Variants in VPS13A observed in about 807,000 individuals in gnomAD.
VPS13A encodes the protein vacuolar protein sorting 13 homolog A, also known as intermembrane lipid transfer protein VPS13A.
A neutral mutation model predicts 390.9 loss-of-function variants in VPS13A; 264 were observed. The ratio of observed to expected loss-of-function variants is 0.68; its 90% confidence interval spans 0.61 to 0.75. The LOEUF (loss-of-function observed/expected upper bound fraction) is 0.75. VPS13A is among the 30% of genes least tolerant of loss of function. VPS13A has a pLI of 0.00. For missense variants in VPS13A, 3,409 were observed against 3,733.9 expected (o/e 0.91, Z 2.27); for synonymous variants, 1,231 against 1,227.1 (o/e 1.00, Z -0.07).
At chr9:77,186,409 C>G (rs1412483320) in intron 1 of VPS13A, among the ~76,000 whole-genome samples, 1 of 152,014 alleles carries the variant, frequency 6.6e-6, no homozygotes, top group African/African-American at 2.4e-5. Context: ...AAATCATTTT[C>G]CTTCTTTCTG....
rs186347359 is a variant in VPS13A, at chr9:77,346,788, C to T, written c.7289+1646C>T. On this transcript the variant is annotated intron_variant, in intron 52 of 71. Coordinates refer to ENST00000360280, the MANE Select transcript of VPS13A (RefSeq NM_033305.3). Reference sequence around the variant, plus strand: ...ATTTGAATAGGAGATAGTCAAAGTACCAGAAAGAAGACTGGACAAAAGAAT... The same window carrying T: ...ATTTGAATAGGAGATAGTCAAAGTATCAGAAAGAAGACTGGACAAAAGAAT... Among the ~76,000 whole-genome samples the T allele has an allele frequency of 6.4e-4, 98 of 152,230 alleles. 1 individual carries two copies. The highest frequency in any genetic ancestry group is 5.8e-3 in the Admixed American group (89 of 15,284).
chr9:77,304,356 T>C (rs1396259903), intron 34 of VPS13A, among the ~76,000 whole-genome samples: 7 of 151,774 alleles, frequency 4.6e-5, no homozygotes, highest in Admixed American at 2.0e-4. Context: ...GCAAAGTAAT[T>C]GTTTAAAGTA....
At chr9:77,339,444 T>C (rs1230674313) in intron 47 of VPS13A, 72 bp from the exon 48 acceptor site, 3 of 1,413,684 alleles carry the variant, frequency 2.1e-6, no homozygotes, top group Non-Finnish European at 2.9e-6. Context: ...TTGGAATACA[T>C]AAATAGAATT....
rs1554859893 is a variant in VPS13A at position 77,207,213 on chromosome 9, T to TTTTATATA, written c.385+1135_385+1136insTTATATAT. On this transcript the variant is annotated intron_variant, in intron 5 of 71. Coordinates refer to ENST00000360280, the MANE Select transcript of VPS13A (RefSeq NM_033305.3). Reference sequence around the variant, plus strand: ...CTCTGTGTCTTGATTTATTTAGATATTATATATATATATATATATATATAT... The same window carrying TTTTATATA: ...CTCTGTGTCTTGATTTATTTAGATATTTTATATATATATATATATATATATATATATAT... 1.6e-3 allele frequency among the ~76,000 whole-genome samples: 68 copies of TTTTATATA among 43,126 alleles called. 2 individuals carry two copies. Among genetic ancestry groups the TTTTATATA allele is most frequent in the African/African-American group, 3.8e-3 (64 of 16,898 alleles). 28.3% of individuals were successfully genotyped at this position (43,126 alleles called of 152,430 possible). A position where few individuals can be genotyped will look rare whatever the true frequency, so the allele number is the denominator to read the frequency against.
intron 20 of VPS13A, among the ~76,000 whole-genome samples, chr9:77,249,701 T>C (rs1825043368): frequency 6.6e-6 from 1 of 152,214 alleles, no homozygotes; most frequent in Admixed American, 6.5e-5. Context: ...TATTTAATTC[T>C]GGACTCTTTT....
rs1463990804 is a variant in VPS13A at position 77,339,248 on chromosome 9, C to A, written c.6379-268C>A. 1.7e-5 allele frequency: 7 copies of A among 414,338 alleles called. No homozygotes were observed. The South Asian group carries it at 3.0e-4, about 18-fold the overall frequency. The allele number at this position is 414,338 out of a possible 1,614,324, so 25.7% of individuals were successfully genotyped here. ...GTTTATAATTTCCAGGGGAGTTTCC[C>A]ATTATGTTATTTAATCTTCACAGTT... is the stretch of plus-strand genomic sequence containing the variant. On this transcript the variant is annotated intron_variant, in intron 47 of 71. Transcript: ENST00000360280.
intron 9 of VPS13A, 83 bp downstream of exon 9, chr9:77,213,397 T>C: frequency 8.7e-7 from 1 of 1,150,350 alleles, no homozygotes; most frequent in Non-Finnish European, 1.3e-6. Flanking sequence ...TAATATACTG[T>C]AGTCAGTATT....
At chr9:77,355,524 C>G (rs1373185692) in intron 54 of VPS13A, among the ~76,000 whole-genome samples, 1 of 152,192 alleles carries the variant, frequency 6.6e-6, no homozygotes, top group East Asian at 1.9e-4. Flanking sequence ...CAGAATTTCT[C>G]TCTTAGGTAT....
chr9:77,296,138 C>G (rs947195004), intron 33 of VPS13A, among the ~76,000 whole-genome samples: 1 of 152,172 alleles, frequency 6.6e-6, no homozygotes, highest in East Asian at 1.9e-4. Context: ...AATTACATGG[C>G]TATGGAAAAA....
chr9:77,224,728 T>A (rs1239091736), intron 13 of VPS13A, among the ~76,000 whole-genome samples: 1 of 152,170 alleles, frequency 6.6e-6, no homozygotes, highest in African/African-American at 2.4e-5. Context: ...CAATTAGAAA[T>A]TTACATAAAA....
chr9:77,302,367 CCTTTT>C lies in VPS13A; in HGVS notation c.3813-547_3813-543del, dbSNP rs1334836429. Among the ~76,000 whole-genome samples, 22 of 136,098 alleles carry C rather than the reference CCTTTT, an allele frequency of 1.6e-4. No homozygotes were observed. In the East Asian group the frequency reaches 4.0e-3, roughly 25 times the overall value. The allele number at this position is 136,098 out of a possible 152,430, so 89.3% of individuals were successfully genotyped here. On this transcript the variant is annotated intron_variant, in intron 33 of 71. Transcript: ENST00000360280. ...TGTATCGAAAAATACATATTTTTCC[CCTTTT>C]TTTTTTTTTTTTTTTTTGGAGACAG...
At chr9:77,287,004 T>C (rs1827363452) in intron 31 of VPS13A, among the ~76,000 whole-genome samples, 1 of 151,998 alleles carries the variant, frequency 6.6e-6, no homozygotes, top group South Asian at 2.1e-4. Context: ...AAATCTGTTC[T>C]GTTGAACTCG....
intron 19 of VPS13A, among the ~76,000 whole-genome samples, chr9:77,241,311 CTCT>C (rs1824478359): frequency 6.6e-6 from 1 of 152,082 alleles, no homozygotes; most frequent in Admixed American, 6.6e-5. Context: ...GGTATCAAAT[CTCT>C]TCATTAAGTT....
In VPS13A at chr9:77,293,486, C is replaced by G; in HGVS notation, c.3485C>G (p.Thr1162Arg). ...GGTTGCATTGAAGTAGTTTTTGTCA[C>G]GAAATTTCTATATTCTATATTGGTA... ...IVGCIEVVFV[T>R]KFLYSILAFI... Residue 1162 changes from threonine (T) to arginine (R), a missense_variant, in exon 32 of 72, where the codon ACG (threonine) becomes AGG (arginine). Physicochemically the swap from Thr to Arg is moderately conservative, Grantham distance 71. This residue lies in a region of VPS13A where 2,717 missense variants were observed against 2,917.4 expected (regional missense o/e 0.93). Coordinates refer to ENST00000360280, the MANE Select transcript of VPS13A (RefSeq NM_033305.3). 1 of 1,586,508 alleles carries G rather than the reference C, an allele frequency of 6.3e-7. No individual in the cohort carries two copies. Among genetic ancestry groups the G allele is most frequent in the Non-Finnish European group, 8.6e-7 (1 of 1,166,318 alleles).
In VPS13A at chr9:77,221,232, G is replaced by T; in HGVS notation, c.1037G>T (p.Arg346Met). 1.9e-6 allele frequency: 3 copies of T among 1,613,468 alleles called. No individual in the cohort carries two copies. The highest frequency in any genetic ancestry group is 2.5e-6 in the Non-Finnish European group (3 of 1,179,570). ...GTTCTTGAAGTAAATGTTTGCCCCA[G>T]GTTATGGATGTGGTCATGGAAGCAT... ...HGVLEVNVCP[R>M]LWMWSWKHIR... is the part of the protein sequence containing the mutation. The change falls in exon 13 of 72, where the codon AGG (arginine) becomes ATG (methionine). Residue 346 changes from arginine (R) to methionine (M), a missense_variant. Physicochemically the swap from Arg to Met is moderately conservative, Grantham distance 91. Around this residue, in one of 5 missense-constraint regions of VPS13A, gnomAD observed 2,717 missense variants for 2,917.4 expected, o/e 0.93. Transcript: ENST00000360280.
Position 77,221,302 on chromosome 9 carries a change from T to TA in VPS13A, c.1115dup (p.Leu373ValfsTer4), listed in dbSNP as rs770350986. 2 of 1,613,074 alleles carry TA rather than the reference T, an allele frequency of 1.2e-6. No homozygotes were observed. The highest frequency in any genetic ancestry group is 1.7e-6 in the Non-Finnish European group (2 of 1,179,378). On this transcript the variant is annotated frameshift_variant, in exon 13 of 72. Coordinates refer to ENST00000360280, the MANE Select transcript of VPS13A (RefSeq NM_033305.3). LOFTEE classifies it high-confidence loss of function. ...AAGTGAAGCAATATAAAGAACTGTA[T>TA]AAAAAAAAGTTAACAAGTAAGAAGC... is the stretch of plus-strand genomic sequence containing the variant.
rs112628537 is a variant in VPS13A at position 77,364,163 on chromosome 9, C to T, written c.8212-1297C>T. On this transcript the variant is annotated intron_variant, in intron 59 of 71. Transcript: ENST00000360280. Reference sequence around the variant, plus strand: ...AAGCCCTGCCAAGTACGGTGGCTCACGCCTGTAATCCCAGCACTTTGGGAG... The same window carrying T: ...AAGCCCTGCCAAGTACGGTGGCTCATGCCTGTAATCCCAGCACTTTGGGAG... 3.6e-3 allele frequency among the ~76,000 whole-genome samples: 541 copies of T among 152,200 alleles called. 2 individuals are homozygous for T. Among genetic ancestry groups the T allele is most frequent in the African/African-American group, 0.012 (516 of 41,550 alleles).
chr9:77,264,028 T>C (rs1825897258), intron 23 of VPS13A, among the ~76,000 whole-genome samples: 1 of 152,012 alleles, frequency 6.6e-6, no homozygotes, highest in Admixed American at 6.5e-5. Context: ...CTTGTTTTTG[T>C]CAGATTTGTC....
chr9:77,400,548 C>T (rs1422748972), intron 68 of VPS13A, among the ~76,000 whole-genome samples: 2 of 151,882 alleles, frequency 1.3e-5, no homozygotes, highest in Admixed American at 6.6e-5. Context: ...TTAAAATGGG[C>T]CGGGCGCGGT....
Sources: allele counts gnomAD v4.1 joint callset (sites outside exome capture counted in the v4.1 genomes callset), GRCh38; gene constraint gnomAD v4.1.1; regional missense constraint gnomAD v4.1.1; transcripts MANE v1.5; gene names NCBI Gene and HGNC (gene_info 2026-07-23, HGNC 2026-07-21).